The following RARB variants were observed in gnomAD, a reference collection of about 807,000 sequenced individuals.
RARB encodes HBV-activated protein.
A neutral mutation model predicts 51.9 loss-of-function variants in RARB; 17 were observed. The ratio of observed to expected loss-of-function variants is 0.33; its 90% confidence interval spans 0.22 to 0.49. RARB has a LOEUF of 0.49. Among genes scored for constraint, RARB ranks in the 20% least tolerant of loss-of-function variants. RARB has a pLI of 0.99. For missense variants in RARB, 369 were observed against 550.8 expected, an observed-to-expected ratio of 0.67 and a Z score of 3.30; for synonymous variants, 215 against 195.4, an observed-to-expected ratio of 1.10 and a Z score of -0.84.
intron 3 of RARB, among the ~76,000 whole-genome samples, chr3:25,089,049 T>G (rs62230269): frequency 6.6e-6 from 1 of 151,870 alleles, no homozygotes; most frequent in African/African-American, 2.4e-5. Flanking sequence ...ACTTTCTAAG[T>G]TGACATTTCT....
chr3:24,887,448 G>C (rs978947498), intron 2 of RARB, among the ~76,000 whole-genome samples: 4 of 152,192 alleles, frequency 2.6e-5, no homozygotes, highest in Admixed American at 6.5e-5. Flanking sequence ...TGCTCCTTGA[G>C]AGTTACAGTA....
chr3:25,400,346 A>G (rs1707231209), intron 5 of RARB, among the ~76,000 whole-genome samples: 1 of 152,212 alleles, frequency 6.6e-6, no homozygotes, highest in African/African-American at 2.4e-5. Flanking sequence ...TAGCATAAGT[A>G]TCAAACCTGG....
At chr3:25,486,561 A>G (rs768634049) in intron 2 of RARB, among the ~76,000 whole-genome samples, 1 of 152,214 alleles carries the variant, frequency 6.6e-6, no homozygotes, top group Non-Finnish European at 1.5e-5. Context: ...TGCTGAGGAT[A>G]CAAAAAGCTA....
intron 5 of RARB, among the ~76,000 whole-genome samples, chr3:25,389,739 C>T (rs1706896041): frequency 6.6e-6 from 1 of 152,180 alleles, no homozygotes. Flanking sequence ...GTATGAATAT[C>T]TGCTCTCTCA....
At chr3:25,022,917 A>ACT (rs1450572757) in intron 2 of RARB, among the ~76,000 whole-genome samples, 1 of 152,182 alleles carries the variant, frequency 6.6e-6, no homozygotes, top group Non-Finnish European at 1.5e-5. Flanking sequence ...ACCTCAGAGA[A>ACT]CTAAGGAGCT....
At chr3:25,107,557 C>G (rs770695058) in intron 3 of RARB, among the ~76,000 whole-genome samples, 3 of 152,160 alleles carry the variant, frequency 2.0e-5, no homozygotes, top group Non-Finnish European at 4.4e-5. Context: ...TTCCCCTCAT[C>G]CACGAGTGAT....
intron 2 of RARB, among the ~76,000 whole-genome samples, chr3:25,059,430 C>T (rs766561975): frequency 2.0e-5 from 3 of 151,772 alleles, no homozygotes; most frequent in Non-Finnish European, 2.9e-5. Flanking sequence ...AATATGTCCA[C>T]TCTCACCATA....
intron 4 of RARB, among the ~76,000 whole-genome samples, chr3:25,171,630 A>T (rs936509127): frequency 6.6e-5 from 5 of 76,240 alleles, no homozygotes; most frequent in Non-Finnish European, 5.1e-5. Flanking sequence ...TTTCCCAACC[A>T]GTCCCTGGTT....
chr3:24,989,128 C>G (rs1428856300), intron 2 of RARB, among the ~76,000 whole-genome samples: 1 of 152,106 alleles, frequency 6.6e-6, no homozygotes, highest in Non-Finnish European at 1.5e-5. Context: ...ACCCGGCCCA[C>G]TTATTGTTTA....
intron 2 of RARB, among the ~76,000 whole-genome samples, chr3:24,878,944 T>C (rs76163765): frequency 0.061 from 9,311 of 152,290 alleles, 434 homozygotes; most frequent in East Asian, 0.15. Flanking sequence ...CTCATTTTTA[T>C]TTCTTCTCAT....
At chr3:25,301,118 T>C (rs938854877) in intron 5 of RARB, among the ~76,000 whole-genome samples, 2 of 151,888 alleles carry the variant, frequency 1.3e-5, no homozygotes, top group Non-Finnish European at 2.9e-5. Flanking sequence ...TTTGACTTAA[T>C]TTTTTTTTAC....
At chr3:24,898,468 A>G (rs1398156134) in intron 2 of RARB, among the ~76,000 whole-genome samples, 14 of 151,972 alleles carry the variant, frequency 9.2e-5, no homozygotes, top group Admixed American at 9.2e-4. Context: ...TTGTTACATG[A>G]TTATATCAAG....
intron 4 of RARB, among the ~76,000 whole-genome samples, chr3:25,172,250 G>A (rs566535203): frequency 6.6e-6 from 1 of 152,276 alleles, no homozygotes; most frequent in South Asian, 2.1e-4. Context: ...TTCCTCTGTA[G>A]AGTACAACCA....
At chr3:24,910,261 A>G (rs1046444803) in intron 2 of RARB, among the ~76,000 whole-genome samples, 2 of 152,172 alleles carry the variant, frequency 1.3e-5, no homozygotes, top group African/African-American at 2.4e-5. Context: ...AAAACGTTGA[A>G]TTGCATTTGC....
At chr3:25,084,092 C>T (rs1437300563) in intron 3 of RARB, among the ~76,000 whole-genome samples, 2 of 152,144 alleles carry the variant, frequency 1.3e-5, no homozygotes, top group Non-Finnish European at 2.9e-5. Context: ...CTCAGTAAGA[C>T]CCCTAAACTG....
intron 7 of RARB, among the ~76,000 whole-genome samples, chr3:25,594,897 G>C (rs908056401): frequency 4.0e-5 from 6 of 150,298 alleles, no homozygotes; most frequent in African/African-American, 1.5e-4. Context: ...ACGATTGAGA[G>C]CTTTAAAATT....
upstream of RARB, among the ~76,000 whole-genome samples, chr3:25,424,623 A>C (rs1233323334): frequency 6.6e-6 from 1 of 151,634 alleles, no homozygotes; most frequent in Non-Finnish European, 1.5e-5. Flanking sequence ...ATCAGTGTCC[A>C]CCTCCCCCAG....
chr3:24,973,024 T>A (rs1217391108), intron 2 of RARB, among the ~76,000 whole-genome samples: 2 of 152,094 alleles, frequency 1.3e-5, no homozygotes, highest in East Asian at 3.9e-4. Flanking sequence ...CCTGTGCTTT[T>A]AAGGTTTTTC....
intron 4 of RARB, among the ~76,000 whole-genome samples, chr3:25,580,107 G>A (rs886501803): frequency 2.6e-5 from 4 of 152,222 alleles, no homozygotes; most frequent in African/African-American, 7.2e-5. Context: ...GGACACAGTG[G>A]CTCACGCCTG....
Sources: gnomAD v4.1 joint callset for allele counts (sites outside exome capture counted in the v4.1 genomes callset) on GRCh38, gnomAD v4.1.1 for gene constraint, MANE v1.5 for transcripts, NCBI Gene and HGNC (gene_info 2026-07-23, HGNC 2026-07-21) for gene names.